The following ARHGAP24 variants were observed in gnomAD, a reference collection of about 807,000 sequenced individuals.
The protein encoded by ARHGAP24 is rho GTPase-activating protein 24.
A neutral mutation model predicts 76.4 loss-of-function variants in ARHGAP24; 50 were observed. That is an observed-to-expected ratio of 0.65 (90% CI 0.52 to 0.83). The LOEUF is 0.83. Among genes scored for constraint, ARHGAP24 ranks in the 40% least tolerant of loss-of-function variants. The pLI is 0.00. For missense variants in ARHGAP24, 930 were observed against 914.2 expected, an observed-to-expected ratio of 1.02 and a Z score of -0.22; for synonymous variants, 345 against 323.3, an observed-to-expected ratio of 1.07 and a Z score of -0.72.
rs1442886165 is a variant in ARHGAP24, at chr4:85,766,437, CT to C, written c.268+44468del. On this transcript the variant is annotated intron_variant, in intron 3 of 9. Coordinates refer to ENST00000395184, the MANE Select transcript of ARHGAP24 (RefSeq NM_001025616.3). ...CTTTTTAGGTTATTAGTGTCCAGAT[CT>C]TTGCCATTCACTAGCAGCAACACTT... Among the ~76,000 whole-genome samples, 3 of 152,116 alleles carry C rather than the reference CT, an allele frequency of 2.0e-5. No individual in the cohort carries two copies. In the East Asian group the frequency reaches 5.8e-4, roughly 29 times the overall value.
chr4:85,774,137 C>A (rs1253629907), intron 3 of ARHGAP24, among the ~76,000 whole-genome samples: 1 of 152,168 alleles, frequency 6.6e-6, no homozygotes, highest in African/African-American at 2.4e-5. Context: ...ACATGGCCAC[C>A]TCTCTGATGT....
At chr4:85,846,605 T>C (rs1208209267) in intron 3 of ARHGAP24, among the ~76,000 whole-genome samples, 1 of 152,174 alleles carries the variant, frequency 6.6e-6, no homozygotes, top group Non-Finnish European at 1.5e-5. Context: ...GGTGATGGGG[T>C]CATTCTCAGA....
intron 5 of ARHGAP24, among the ~76,000 whole-genome samples, chr4:85,962,710 G>T (rs764286093): frequency 5.3e-5 from 8 of 151,442 alleles, no homozygotes; most frequent in Non-Finnish European, 1.0e-4. Flanking sequence ...AGTAGTCAGA[G>T]AAGGAGTTAA....
At chr4:85,696,188 A>G (rs1173753825) in intron 2 of ARHGAP24, among the ~76,000 whole-genome samples, 1 of 150,850 alleles carries the variant, frequency 6.6e-6, no homozygotes, top group Non-Finnish European at 1.5e-5. Context: ...ATTAAATTAC[A>G]TATTGAATGT....
chr4:85,656,471 T>C (rs185087519), intron 2 of ARHGAP24, among the ~76,000 whole-genome samples: 2 of 152,276 alleles, frequency 1.3e-5, no homozygotes, highest in African/African-American at 4.8e-5. Flanking sequence ...AAGCTTTGTT[T>C]GTTTGTTTGT....
At chr4:85,677,157 A>C (rs530707515) in intron 2 of ARHGAP24, among the ~76,000 whole-genome samples, 18 of 152,370 alleles carry the variant, frequency 1.2e-4, no homozygotes, top group African/African-American at 4.1e-4. Context: ...CATTAGCAAC[A>C]GACACACATG....
chr4:85,532,140 TA>T (rs1230007864), intron 1 of ARHGAP24, among the ~76,000 whole-genome samples: 1 of 152,138 alleles, frequency 6.6e-6, no homozygotes, highest in Non-Finnish European at 1.5e-5. Context: ...GAACCAGTTT[TA>T]AAGTCATAAT....
intron 2 of ARHGAP24, among the ~76,000 whole-genome samples, chr4:85,597,205 G>T (rs542454808): frequency 2.6e-5 from 4 of 152,030 alleles, no homozygotes; most frequent in African/African-American, 9.7e-5. Flanking sequence ...AAGATGTAAG[G>T]TTTGGTTTTA....
At chr4:85,734,219 G>A (rs1187148487) in intron 3 of ARHGAP24, among the ~76,000 whole-genome samples, 1 of 152,118 alleles carries the variant, frequency 6.6e-6, no homozygotes, top group Non-Finnish European at 1.5e-5. Context: ...TGTATATCTA[G>A]CTATTTTTCC....
intron 3 of ARHGAP24, among the ~76,000 whole-genome samples, chr4:85,838,780 C>G (rs1371259886): frequency 1.3e-5 from 2 of 152,044 alleles, no homozygotes; most frequent in Admixed American, 1.3e-4. Context: ...CACACCTTCC[C>G]TCCCCCACTA....
At chr4:85,958,037 T>C (rs1262638991) in intron 5 of ARHGAP24, among the ~76,000 whole-genome samples, 1 of 152,222 alleles carries the variant, frequency 6.6e-6, no homozygotes, top group East Asian at 1.9e-4. Flanking sequence ...AATAAGTTTT[T>C]CATTATTGGG....
chr4:85,933,230 A>T (rs1339861622), intron 4 of ARHGAP24, among the ~76,000 whole-genome samples: 3 of 152,136 alleles, frequency 2.0e-5, no homozygotes, highest in Non-Finnish European at 4.4e-5. Context: ...GCCTAGAGGT[A>T]AAAAAATGTT....
chr4:85,623,685 A>G (rs1021594688), intron 2 of ARHGAP24, among the ~76,000 whole-genome samples: 2 of 151,680 alleles, frequency 1.3e-5, no homozygotes, highest in Admixed American at 1.3e-4. Context: ...CATGGGCAGT[A>G]TGGCCATTTT....
intron 3 of ARHGAP24, among the ~76,000 whole-genome samples, chr4:85,816,315 A>G (rs72978881): frequency 0.11 from 15,934 of 151,518 alleles, 945 homozygotes; most frequent in South Asian, 0.19. Context: ...AATTTCCACT[A>G]CTCCCCAGCT....
intron 3 of ARHGAP24, among the ~76,000 whole-genome samples, chr4:85,802,518 A>G (rs1728619602): frequency 6.6e-6 from 1 of 152,248 alleles, no homozygotes; most frequent in East Asian, 1.9e-4. Flanking sequence ...CTTGCTGGAT[A>G]TGGTGGCTCA....
intron 2 of ARHGAP24, among the ~76,000 whole-genome samples, chr4:85,664,512 T>C (rs1298670588): frequency 6.6e-6 from 1 of 150,826 alleles, no homozygotes; most frequent in Non-Finnish European, 1.5e-5. Context: ...CTCTATTTCC[T>C]TCAGTTCTGC....
intron 2 of ARHGAP24, among the ~76,000 whole-genome samples, chr4:85,651,544 A>G (rs1049578573): frequency 6.7e-6 from 1 of 148,504 alleles, no homozygotes; most frequent in Non-Finnish European, 1.5e-5. Flanking sequence ...ACTTTTTAAT[A>G]ATTATAAATA....
intron 2 of ARHGAP24, among the ~76,000 whole-genome samples, chr4:85,693,808 A>T (rs1252270584): frequency 6.6e-6 from 1 of 152,212 alleles, no homozygotes; most frequent in Non-Finnish European, 1.5e-5. Context: ...GGGAGATGGA[A>T]AGCCCAGGGG....
chr4:85,818,412 T>C (rs1578258278), intron 3 of ARHGAP24, among the ~76,000 whole-genome samples: 1 of 152,194 alleles, frequency 6.6e-6, no homozygotes, highest in Non-Finnish European at 1.5e-5. Context: ...TTAAAAATAA[T>C]TATACCCACT....
Sources: allele counts gnomAD v4.1 joint callset (sites outside exome capture counted in the v4.1 genomes callset), GRCh38; gene constraint gnomAD v4.1.1; transcripts MANE v1.5; gene names NCBI Gene and HGNC (gene_info 2026-07-23, HGNC 2026-07-21).